Variants in RNF144A observed in about 807,000 individuals in gnomAD.
RNF144A encodes E3 ubiquitin-protein ligase RNF144A.
RNF144A carries 11 observed loss-of-function variants against 38.7 expected under a neutral mutation model. That is an observed-to-expected ratio of 0.28 (90% CI 0.18 to 0.47). The LOEUF (loss-of-function observed/expected upper bound fraction) is 0.47, where lower values mean the gene tolerates loss of function less well. Ranked by LOEUF, RNF144A falls within the 20% of genes least tolerant of loss-of-function variation. The pLI is 0.99. For synonymous variants in RNF144A, 149 were observed against 143.9 expected (o/e 1.04, Z -0.25); for missense variants, 316 against 377.2 (o/e 0.84, Z 1.34).
At chr2:6,934,689 T>C (rs1665453500) in intron 1 of RNF144A, among the ~76,000 whole-genome samples, 3 of 152,228 alleles carry the variant, frequency 2.0e-5, no homozygotes, top group Admixed American at 6.5e-5. Flanking sequence ...GAAAACTGTT[T>C]AGTGAATAAC....
chr2:6,953,159 G>A (rs981544788), intron 2 of RNF144A, among the ~76,000 whole-genome samples: 1 of 152,138 alleles, frequency 6.6e-6, no homozygotes, highest in Non-Finnish European at 1.5e-5. Flanking sequence ...GGACGCAGTG[G>A]CTCACACCGG....
In RNF144A at chr2:7,039,529, T is replaced by G. The variant is rs1672913811; in HGVS notation, c.748-100T>G. 5 of 1,541,052 alleles carry G rather than the reference T, an allele frequency of 3.2e-6. No homozygotes were observed. In the South Asian group the frequency reaches 6.3e-5, roughly 19 times the overall value. On this transcript the variant is annotated intron_variant, in intron 8 of 8. Coordinates refer to ENST00000320892, the MANE Select transcript of RNF144A (RefSeq NM_014746.6). ...ATAGATGGATGGTTGGGTGGATGGA[T>G]GGATGGATGGATGGGTAGCTGGTTG...
At chr2:7,075,464 G>A in the RNF144A span, among the ~76,000 whole-genome samples, 64 of 152,310 alleles carry the variant, frequency 4.2e-4, 1 homozygote, top group Middle Eastern at 0.014. Context: ...TTTATATGTT[G>A]ATGGTGTTTG....
At chr2:7,075,759 A>C in the RNF144A span, among the ~76,000 whole-genome samples, 1 of 152,224 alleles carries the variant, frequency 6.6e-6, no homozygotes, top group Non-Finnish European at 1.5e-5. Flanking sequence ...AAATGGATTA[A>C]GACATTCAGC....
chr2:6,993,679 C>T (rs555170311), intron 2 of RNF144A, among the ~76,000 whole-genome samples: 99 of 152,086 alleles, frequency 6.5e-4, no homozygotes, highest in Admixed American at 1.7e-3. Flanking sequence ...GCATGGCTGT[C>T]GATAAGGGAG....
chr2:7,062,468 G>A (rs1205820794), intron 6 of RNF144A, among the ~76,000 whole-genome samples: 4 of 132,228 alleles, frequency 3.0e-5, no homozygotes, highest in Non-Finnish European at 6.2e-5. Context: ...ATCAAGTACA[G>A]ATGTGTTTTG....
At chr2:7,011,643 T>C (rs1455076161) in intron 3 of RNF144A, among the ~76,000 whole-genome samples, 1 of 152,260 alleles carries the variant, frequency 6.6e-6, no homozygotes, top group African/African-American at 2.4e-5. Flanking sequence ...CTATCTATAA[T>C]GAGTGCAGTA....
chr2:6,939,355 T>G (rs1665817403), intron 1 of RNF144A, among the ~76,000 whole-genome samples: 1 of 152,260 alleles, frequency 6.6e-6, no homozygotes, highest in African/African-American at 2.4e-5. Flanking sequence ...GCAATTTTTC[T>G]TGTGCTTATT....
intron 3 of RNF144A, among the ~76,000 whole-genome samples, chr2:6,999,343 G>A (rs1026591090): frequency 3.3e-5 from 5 of 152,212 alleles, no homozygotes; most frequent in African/African-American, 4.8e-5. Context: ...CTTTGGTGGC[G>A]CCTTCCCCTC....
intron 2 of RNF144A, among the ~76,000 whole-genome samples, chr2:6,988,360 C>G (rs1429872815): frequency 6.6e-6 from 1 of 152,220 alleles, no homozygotes; most frequent in Non-Finnish European, 1.5e-5. Flanking sequence ...TGTCCTTCTT[C>G]TGTTCCAAGT....
intron 2 of RNF144A, among the ~76,000 whole-genome samples, chr2:6,966,513 G>A (rs1301134361): frequency 6.6e-6 from 1 of 152,214 alleles, no homozygotes; most frequent in Non-Finnish European, 1.5e-5. Context: ...TCTGAGGTTG[G>A]TTTGGGGAGA....
At chr2:7,050,550 C>T (rs1216142350) in intron 6 of RNF144A, among the ~76,000 whole-genome samples, 1 of 152,190 alleles carries the variant, frequency 6.6e-6, no homozygotes, top group Non-Finnish European at 1.5e-5. Flanking sequence ...CTGCTCCCAG[C>T]CTCCTCCCTT....
chr2:7,018,365 G>T (rs1198763678), intron 5 of RNF144A, among the ~76,000 whole-genome samples: 1 of 152,242 alleles, frequency 6.6e-6, no homozygotes, highest in Non-Finnish European at 1.5e-5. Flanking sequence ...TATCTCATCA[G>T]GGACAAAGCT....
chr2:6,949,408 CT>C (rs547352057), intron 2 of RNF144A, among the ~76,000 whole-genome samples: 2,351 of 130,236 alleles, frequency 0.018, 64 homozygotes, highest in African/African-American at 0.053. Context: ...TCCTTTCCTT[CT>C]TTTTTTTTTT....
At chr2:7,072,450 G>C (rs1484709407), downstream of RNF144A, among the ~76,000 whole-genome samples, 1 of 152,226 alleles carries the variant, frequency 6.6e-6, no homozygotes, top group Non-Finnish European at 1.5e-5. Flanking sequence ...AGAGAAGCCA[G>C]AGCTTGATCA....
chr2:6,972,568 T>C (rs1235546529), intron 2 of RNF144A, among the ~76,000 whole-genome samples: 1 of 152,176 alleles, frequency 6.6e-6, no homozygotes, highest in East Asian at 1.9e-4. Flanking sequence ...CCTTTTCCTT[T>C]TTTGGTTCCC....
At chr2:7,057,782 G>A (rs1243685890) in intron 6 of RNF144A, among the ~76,000 whole-genome samples, 3 of 152,264 alleles carry the variant, frequency 2.0e-5, no homozygotes, top group African/African-American at 7.2e-5. Flanking sequence ...ATTGCTTGGA[G>A]TGAATAGATA....
At chr2:6,995,793 T>C (rs1200876745) in intron 2 of RNF144A, among the ~76,000 whole-genome samples, 1 of 152,188 alleles carries the variant, frequency 6.6e-6, no homozygotes, top group Non-Finnish European at 1.5e-5. Context: ...GGTAATCTCC[T>C]TTGGCAGTAC....
At chr2:7,050,932 C>G (rs894270621) in intron 6 of RNF144A, among the ~76,000 whole-genome samples, 2 of 152,228 alleles carry the variant, frequency 1.3e-5, no homozygotes, top group Admixed American at 1.3e-4. Context: ...AGGCAGAATG[C>G]CTCGGGTGCA....
Sources: allele counts gnomAD v4.1 joint callset (sites outside exome capture counted in the v4.1 genomes callset), GRCh38; gene constraint gnomAD v4.1.1; transcripts MANE v1.5; gene names NCBI Gene and HGNC (gene_info 2026-07-23, HGNC 2026-07-21).